IMMP2L: variants seen among roughly 807,000 people sequenced by gnomAD.
The protein encoded by IMMP2L is inner mitochondrial membrane peptidase subunit 2.
A neutral mutation model predicts 19.3 loss-of-function variants in IMMP2L; 18 were observed. The ratio of observed to expected loss-of-function variants is 0.93; its 90% CI spans 0.64 to 1.38. The LOEUF is 1.38. Ranked by LOEUF, IMMP2L falls within the 40% of genes most tolerant of loss-of-function variation. The pLI is 0.00. For missense variants in IMMP2L, 233 were observed against 218.2 expected (o/e 1.07, Z -0.43); for synonymous variants, 76 against 73.0 (o/e 1.04, Z -0.21).
chr7:111,290,892 A>T (rs1392865633), intron 3 of IMMP2L, among the ~76,000 whole-genome samples: 1 of 151,480 alleles, frequency 6.6e-6, no homozygotes, highest in Non-Finnish European at 1.5e-5. Context: ...CCACCTCCCA[A>T]CTAGAATGCA....
chr7:111,023,563 A>T (rs2129567326), intron 3 of IMMP2L, among the ~76,000 whole-genome samples: 1 of 149,610 alleles, frequency 6.7e-6, no homozygotes, highest in African/African-American at 2.5e-5. Flanking sequence ...AAAAAAAATT[A>T]GCCAGGTGTG....
chr7:111,030,857 T>C (rs1790695544), intron 3 of IMMP2L, among the ~76,000 whole-genome samples: 1 of 126,566 alleles, frequency 7.9e-6, no homozygotes, highest in Admixed American at 9.4e-5. Flanking sequence ...TGTATATACA[T>C]ATGTGTGTGT....
chr7:111,432,846 A>G (rs1023646570), intron 3 of IMMP2L, among the ~76,000 whole-genome samples: 1 of 151,590 alleles, frequency 6.6e-6, no homozygotes, highest in Middle Eastern at 3.2e-3. Flanking sequence ...TGAATTCAGT[A>G]AAGTTTCAGG....
At chr7:110,675,198 G>A (rs925393872) in intron 5 of IMMP2L, among the ~76,000 whole-genome samples, 3 of 152,128 alleles carry the variant, frequency 2.0e-5, no homozygotes, top group Non-Finnish European at 4.4e-5. Flanking sequence ...GTGAGTATAA[G>A]GCTAGTGAGG....
At chr7:110,996,400 G>A (rs1823034134) in intron 3 of IMMP2L, among the ~76,000 whole-genome samples, 1 of 152,088 alleles carries the variant, frequency 6.6e-6, no homozygotes, top group Non-Finnish European at 1.5e-5. Context: ...ATAAAAGGAA[G>A]CTGTAGGTAT....
intron 5 of IMMP2L, among the ~76,000 whole-genome samples, chr7:110,836,042 T>C (rs988820108): frequency 1.3e-5 from 2 of 152,094 alleles, no homozygotes; most frequent in African/African-American, 4.8e-5. Flanking sequence ...ACAGATCCTG[T>C]GGTGAGTTAA....
chr7:111,161,943 G>A (rs1014920406), intron 3 of IMMP2L, among the ~76,000 whole-genome samples: 6 of 151,970 alleles, frequency 3.9e-5, no homozygotes, highest in South Asian at 2.1e-4. Context: ...ATTATATTAC[G>A]ATATGCTTTA....
chr7:110,793,489 T>C (rs887000762), intron 5 of IMMP2L, among the ~76,000 whole-genome samples: 1 of 151,860 alleles, frequency 6.6e-6, no homozygotes, highest in African/African-American at 2.4e-5. Context: ...CCAAACACCA[T>C]CTCATCCCCA....
At chr7:110,672,008 T>C (rs1791953946) in intron 5 of IMMP2L, among the ~76,000 whole-genome samples, 1 of 151,876 alleles carries the variant, frequency 6.6e-6, no homozygotes, top group East Asian at 1.9e-4. Context: ...GTTTAGAAGC[T>C]GAAAAAAACA....
chr7:110,901,789 A>G (rs1811891213), intron 4 of IMMP2L, among the ~76,000 whole-genome samples: 2 of 152,192 alleles, frequency 1.3e-5, no homozygotes, highest in Non-Finnish European at 2.9e-5. Flanking sequence ...AATCAGTAAC[A>G]TAACAGATTA....
chr7:110,816,539 T>A (rs1802535930), intron 5 of IMMP2L, among the ~76,000 whole-genome samples: 1 of 151,778 alleles, frequency 6.6e-6, no homozygotes, highest in Non-Finnish European at 1.5e-5. Context: ...TTCTGTCTCG[T>A]TGATCTGTCT....
chr7:110,806,766 T>TC (rs1208774907), intron 5 of IMMP2L, among the ~76,000 whole-genome samples: 4 of 151,918 alleles, frequency 2.6e-5, no homozygotes, highest in African/African-American at 9.6e-5. Flanking sequence ...TTTTTTTAAA[T>TC]CCCCCTTTGA....
intron 1 of IMMP2L, among the ~76,000 whole-genome samples, chr7:111,525,700 G>A (rs1585513402): frequency 6.6e-6 from 1 of 152,104 alleles, no homozygotes; most frequent in African/African-American, 2.4e-5. Context: ...AGGGGCCGTG[G>A]TAGCCTGTCA....
intron 5 of IMMP2L, among the ~76,000 whole-genome samples, chr7:110,775,005 A>G (rs1799282520): frequency 6.6e-6 from 1 of 152,118 alleles, no homozygotes; most frequent in Non-Finnish European, 1.5e-5. Flanking sequence ...GCAGCCAATT[A>G]AAATCACACC....
intron 3 of IMMP2L, among the ~76,000 whole-genome samples, chr7:111,146,548 T>C (rs993196496): frequency 4.6e-5 from 7 of 152,114 alleles, no homozygotes; most frequent in Non-Finnish European, 5.9e-5. Flanking sequence ...TAGAAGTGCA[T>C]TTCCAGCAGC....
chr7:111,551,544 G>C (rs1337329556), intron 1 of IMMP2L, among the ~76,000 whole-genome samples: 1 of 149,098 alleles, frequency 6.7e-6, no homozygotes, highest in East Asian at 2.0e-4. Flanking sequence ...TCACTTGCTT[G>C]CTTTGGTCAT....
chr7:111,362,431 T>C lies in IMMP2L; in HGVS notation c.239+124807A>G, dbSNP rs528412307. 1.8e-4 allele frequency among the ~76,000 whole-genome samples: 27 copies of C among 152,080 alleles called. 1 individual carries two copies. Among genetic ancestry groups the C allele is most frequent in the Non-Finnish European group, 2.8e-4 (19 of 67,996 alleles). ...TTTTTTAAAATAGTTTATAGGCCTC[T>C]GAATGAATGTTACTCATTGCTAGTA... On this transcript the variant is annotated intron_variant, in intron 3 of 5. Transcript: ENST00000405709.
chr7:110,890,230 A>AT (rs1380656564), intron 4 of IMMP2L, among the ~76,000 whole-genome samples: 1 of 152,068 alleles, frequency 6.6e-6, no homozygotes, highest in Non-Finnish European at 1.5e-5. Context: ...TAAAAACACT[A>AT]TCTGTGTTCT....
intron 5 of IMMP2L, among the ~76,000 whole-genome samples, chr7:110,672,642 AAAT>A (rs1335632114): frequency 6.6e-6 from 1 of 152,142 alleles, no homozygotes; most frequent in African/African-American, 2.4e-5. Context: ...GGCATTGGGT[AAAT>A]ACACCCATTC....
Sources: allele counts gnomAD v4.1 joint callset (sites outside exome capture counted in the v4.1 genomes callset), GRCh38; gene constraint gnomAD v4.1.1; transcripts MANE v1.5; gene names NCBI Gene and HGNC (gene_info 2026-07-23, HGNC 2026-07-21).